PCNX1: variants seen among roughly 807,000 people sequenced by gnomAD.
The protein encoded by PCNX1 is pecanex 1, also known as pecanex-like protein 1.
In PCNX1, 78 loss-of-function variants were observed where a neutral mutation model predicts 242.2. The observed-to-expected ratio is 0.32, with a 90% CI of 0.27 to 0.39. The LOEUF is 0.39. PCNX1 is among the 10% of genes least tolerant of loss of function. The pLI, the probability that PCNX1 is intolerant of heterozygous loss-of-function variation, is 1.00. For synonymous variants in PCNX1, 1,024 were observed against 1,032.9 expected, an observed-to-expected ratio of 0.99 and a Z score of 0.17; for missense variants, 2,581 against 2,856.5, an observed-to-expected ratio of 0.90 and a Z score of 2.20.
At chr14:71,040,656 C>A (rs1459292302) in intron 19 of PCNX1, among the ~76,000 whole-genome samples, 1 of 151,928 alleles carries the variant, frequency 6.6e-6, no homozygotes, top group East Asian at 1.9e-4. Flanking sequence ...GGGTATTCAT[C>A]CCCTCAAGCA....
intron 12 of PCNX1, among the ~76,000 whole-genome samples, chr14:71,020,835 C>T (rs2060080226): frequency 6.6e-6 from 1 of 152,132 alleles, no homozygotes; most frequent in Admixed American, 6.5e-5. Flanking sequence ...AGTCTTTGGC[C>T]ATGCCTATGT....
chr14:71,115,366 A>T lies in PCNX1; in HGVS notation c.*5431A>T, dbSNP rs751068473. 3 of 152,506 alleles carry T rather than the reference A, an allele frequency of 2.0e-5. No individual in the cohort carries two copies. Among genetic ancestry groups the T allele is most frequent in the South Asian group, 2.1e-4 (1 of 4,824 alleles). 9.4% of individuals were successfully genotyped at this position (152,506 alleles called of 1,614,324 possible). A position where few individuals can be genotyped will look rare whatever the true frequency, so the allele number is the denominator to read the frequency against. ...AGTGGATAAAACACTGAGGAAATAA[A>T]TTTTTTTTCATTTTGCCTTCTGTCC... On this transcript the variant is annotated 3_prime_UTR_variant, in exon 36 of 36. Transcript: ENST00000304743.
intron 30 of PCNX1, among the ~76,000 whole-genome samples, chr14:71,101,443 G>T (rs2062457911): frequency 6.6e-6 from 1 of 152,182 alleles, no homozygotes; most frequent in South Asian, 2.1e-4. Context: ...ATACTTTTCA[G>T]AGAAAACTTT....
chr14:71,088,333 G>A lies in PCNX1; in HGVS notation c.5341G>A (p.Val1781Met). Residue 1781 changes from valine (V) to methionine (M), a missense_variant, in exon 29 of 36, where the codon GTG becomes ATG. Physicochemically the swap from Val to Met is conservative, Grantham distance 21 (BLOSUM62 1). This residue lies in a region of PCNX1 where 298 missense variants were observed against 480.1 expected (regional missense o/e 0.62). Coordinates refer to ENST00000304743, the MANE Select transcript of PCNX1 (RefSeq NM_014982.3). Reference sequence around the variant, plus strand: ...AATGTTTTTTGTTTTTTTAAAGCCTGTGGATGTGGACAAAGATTCATCCCT... The same window carrying A: ...AATGTTTTTTGTTTTTTTAAAGCCTATGGATGTGGACAAAGATTCATCCCT... Reference protein sequence around the residue: ...EYCSSRRAKPVDVDKDSSLVT... With the variant: ...EYCSSRRAKPMDVDKDSSLVT... 3.1e-6 allele frequency: 5 copies of A among 1,597,958 alleles called. No homozygotes were observed. The highest frequency in any genetic ancestry group is 4.3e-6 in the Non-Finnish European group (5 of 1,166,596).
intron 2 of PCNX1, among the ~76,000 whole-genome samples, chr14:70,948,545 C>T (rs1267556662): frequency 6.6e-6 from 1 of 151,332 alleles, no homozygotes; most frequent in Non-Finnish European, 1.5e-5. Context: ...TTTATTTACT[C>T]ATATAAATAA....
At position 70,974,064 on chromosome 14, in the gene PCNX1, GT is replaced by G. The variant is rs544807552; in HGVS notation, c.605-2865del. Among the ~76,000 whole-genome samples the G allele has an allele frequency of 6.3e-3, 887 of 140,400 alleles. 8 individuals are homozygous for G. The highest frequency in any genetic ancestry group is 0.018 in the African/African-American group (704 of 38,536). The allele number at this position is 140,400 out of a possible 152,430, so 92.1% of individuals were successfully genotyped here. A position where few individuals can be genotyped will look rare whatever the true frequency, so the allele number is the denominator to read the frequency against. ...TTTCATATAAACACAATTATATGTGGTTTTTTTTTTTTTAATGTGTCTGGCT... is the reference window on the plus strand; with the variant it reads ...TTTCATATAAACACAATTATATGTGGTTTTTTTTTTTTAATGTGTCTGGCT... On this transcript the variant is annotated intron_variant, in intron 5 of 35. Coordinates refer to ENST00000304743, the MANE Select transcript of PCNX1 (RefSeq NM_014982.3).
chr14:70,961,126 A>G (rs1595060315), intron 2 of PCNX1, among the ~76,000 whole-genome samples: 1 of 152,166 alleles, frequency 6.6e-6, no homozygotes, highest in African/African-American at 2.4e-5. Context: ...ATCCCCATCA[A>G]CCTACCAATG....
Position 70,978,336 on chromosome 14 carries a change from G to C in PCNX1, c.1999G>C (p.Glu667Gln). ...EHTHKAHLVP[E>Q]GTSKKRATRR... The stretch of plus-strand genomic sequence containing the variant: ...CACACACAAAGCTCATTTGGTTCCT[G>C]AAGGAACCAGCAAAAAGCGTGCAAC... The change falls in exon 6 of 36, where the codon GAA becomes CAA. Residue 667 changes from glutamate to glutamine, a missense_variant. Coordinates refer to ENST00000304743, the MANE Select transcript of PCNX1 (RefSeq NM_014982.3). The C allele has an allele frequency of 6.2e-7, 1 of 1,614,076 alleles. No homozygotes were observed. The highest frequency in any genetic ancestry group is 8.5e-7 in the Non-Finnish European group (1 of 1,179,944).
At chr14:70,935,426 T>C (rs1288385346) in intron 1 of PCNX1, among the ~76,000 whole-genome samples, 1 of 152,202 alleles carries the variant, frequency 6.6e-6, no homozygotes, top group East Asian at 1.9e-4. Context: ...ATCTTGCACA[T>C]TTCAGTGTGT....
At chr14:70,910,501 T>C (rs2526879) in intron 1 of PCNX1, among the ~76,000 whole-genome samples, 106,130 of 151,590 alleles carry the variant, frequency 0.7, 37,147 homozygotes, top group South Asian at 0.77. Context: ...AGCGCCTTTG[T>C]GCTTGCTTTT....
intron 1 of PCNX1, among the ~76,000 whole-genome samples, chr14:70,925,150 G>A (rs899074384): frequency 5.9e-5 from 9 of 151,842 alleles, no homozygotes; most frequent in African/African-American, 9.7e-5. Context: ...CACAACGTCC[G>A]GCTAATTTTT....
intron 11 of PCNX1, among the ~76,000 whole-genome samples, chr14:71,017,424 A>G (rs992258301): frequency 6.6e-6 from 1 of 152,202 alleles, no homozygotes; most frequent in Non-Finnish European, 1.5e-5. Context: ...GTTTGAGGCC[A>G]GCCTGGGCAA....
At position 70,927,592 on chromosome 14, in the gene PCNX1, A is replaced by T. The variant is rs535619040; in HGVS notation, c.154-19323A>T. Among the ~76,000 whole-genome samples the T allele has an allele frequency of 3.2e-3, 483 of 150,698 alleles. 4 individuals are homozygous for T. Among genetic ancestry groups the T allele is most frequent in the African/African-American group, 0.01 (412 of 40,962 alleles). ...CTCTCTTTTATTTATTTATTTATTT[A>T]TTTATTTTTTTCTGGGAGGCAGTGT... On this transcript the variant is annotated intron_variant, in intron 1 of 35. Coordinates refer to ENST00000304743, the MANE Select transcript of PCNX1 (RefSeq NM_014982.3).
chr14:71,042,488 C>T lies in PCNX1; in HGVS notation c.3868-2645C>T, dbSNP rs1009974677. Reference sequence around the variant, plus strand: ...TTGTCTGATACAAGTATAGCTCCGCCAGCATGCTTTTGGTTTCTGTATGCC... The same window carrying T: ...TTGTCTGATACAAGTATAGCTCCGCTAGCATGCTTTTGGTTTCTGTATGCC... On this transcript the variant is annotated intron_variant, in intron 19 of 35. Transcript: ENST00000304743. 3.3e-5 allele frequency among the ~76,000 whole-genome samples: 5 copies of T among 152,112 alleles called. No individual in the cohort carries two copies. The South Asian group carries it at 1.0e-3, about 32-fold the overall frequency.
In PCNX1 at chr14:71,112,895, G is replaced by A. The variant is rs1029555669; in HGVS notation, c.*2960G>A. ...TGAGAGAAAGGTAATCGTGGAATGA[G>A]TTATAAATTATTGCCTTTTTTTCCT... is the stretch of plus-strand genomic sequence containing the variant. On this transcript the variant is annotated 3_prime_UTR_variant, in exon 36 of 36. Transcript: ENST00000304743. The A allele has an allele frequency of 6.6e-6, 1 of 152,106 alleles. No individual in the cohort carries two copies. The highest frequency in any genetic ancestry group is 1.5e-5 in the Non-Finnish European group (1 of 67,984). The allele number at this position is 152,106 out of a possible 1,614,324, so 9.4% of individuals were successfully genotyped here. A position where few individuals can be genotyped will look rare whatever the true frequency, so the allele number is the denominator to read the frequency against.
At chr14:71,106,471 TAA>T (rs2062624884) in intron 33 of PCNX1, among the ~76,000 whole-genome samples, 1 of 152,118 alleles carries the variant, frequency 6.6e-6, no homozygotes, top group African/African-American at 2.4e-5. Context: ...TTAGAGACTT[TAA>T]AAATGAAATC....
intron 32 of PCNX1, among the ~76,000 whole-genome samples, chr14:71,104,918 G>A (rs1439042176): frequency 2.2e-5 from 3 of 139,452 alleles, no homozygotes; most frequent in East Asian, 2.2e-4. Context: ...GCGAGACTCC[G>A]TCTCAAAAAA....
intron 1 of PCNX1, among the ~76,000 whole-genome samples, chr14:70,943,212 CTTTGGAACTGGGTAACAGGCAGAG>C (rs1486535309): frequency 6.6e-6 from 1 of 152,116 alleles, no homozygotes; most frequent in Non-Finnish European, 1.5e-5. Context: ...GTGGAAGTGA[CTTTGGAACTGGGTAACAGGCAGAG>C]GTTGGAACAG....
chr14:70,939,944 A>G (rs999689161), intron 1 of PCNX1, among the ~76,000 whole-genome samples: 2 of 151,982 alleles, frequency 1.3e-5, no homozygotes, highest in African/African-American at 4.8e-5. Flanking sequence ...AGAGACTAGG[A>G]TTGCAACCTT....
Sources: gnomAD v4.1 joint callset for allele counts (sites outside exome capture counted in the v4.1 genomes callset) on GRCh38, gnomAD v4.1.1 for gene constraint, gnomAD v4.1.1 regional missense constraint, MANE v1.5 for transcripts, NCBI Gene and HGNC (gene_info 2026-07-23, HGNC 2026-07-21) for gene names.